The following MAN1A1 variants were observed in gnomAD, a reference collection of about 807,000 sequenced individuals.
MAN1A1 encodes the protein mannosyl-oligosaccharide 1,2-alpha-mannosidase IA.
A neutral mutation model predicts 70.8 loss-of-function variants in MAN1A1; 29 were observed. The ratio of observed to expected loss-of-function variants is 0.41; its 90% CI spans 0.31 to 0.56. The LOEUF is 0.56. MAN1A1 is among the 20% of genes least tolerant of loss of function. The probability of loss-of-function intolerance (pLI) is 0.29; values close to 1 mark genes in which losing one functional copy is unlikely to be tolerated. For synonymous variants in MAN1A1, 349 were observed against 330.1 expected, an observed-to-expected ratio of 1.06 and a Z score of -0.62; for missense variants, 747 against 841.3, an observed-to-expected ratio of 0.89 and a Z score of 1.39.
rs916001063 is a variant in MAN1A1 at position 119,246,264 on chromosome 6, A to T, written c.992+1996T>A. ...TCATTACCTTCCAGGAAACGAGAGA[A>T]ACTAGCTTCACAGAATTTAAGAGAA... On this transcript the variant is annotated intron_variant, in intron 6 of 12. Transcript: ENST00000368468. Among the ~76,000 whole-genome samples, 8 of 152,152 alleles carry T rather than the reference A, an allele frequency of 5.3e-5. No homozygotes were observed. The South Asian group carries it at 8.3e-4, about 16-fold the overall frequency.
At chr6:119,337,591 AT>A (rs1414124377) in intron 2 of MAN1A1, among the ~76,000 whole-genome samples, 3 of 152,236 alleles carry the variant, frequency 2.0e-5, no homozygotes, top group Admixed American at 2.0e-4. Context: ...GAAATTCTGT[AT>A]TCTTGGGAGT....
chr6:119,275,335 C>T (rs1457977512), intron 5 of MAN1A1, among the ~76,000 whole-genome samples: 219 of 92,198 alleles, frequency 2.4e-3, no homozygotes, highest in Non-Finnish European at 2.8e-3. Context: ...GAGACGGAGT[C>T]TCGCTCTGTC....
chr6:119,274,782 T>C (rs1776009297), intron 5 of MAN1A1, among the ~76,000 whole-genome samples: 1 of 152,198 alleles, frequency 6.6e-6, no homozygotes, highest in South Asian at 2.1e-4. Flanking sequence ...TGTCTTTATA[T>C]ATATTGAAAG....
At chr6:119,323,993 A>T (rs1482369640) in intron 2 of MAN1A1, among the ~76,000 whole-genome samples, 1 of 152,230 alleles carries the variant, frequency 6.6e-6, no homozygotes, top group Admixed American at 6.5e-5. Context: ...AATTCCACAT[A>T]AGCAACTGTA....
rs928216070 is a variant in MAN1A1 at position 119,179,932 on chromosome 6, T to C, written c.1849A>G (p.Ile617Val). 2 of 1,613,562 alleles carry C rather than the reference T, an allele frequency of 1.2e-6. No individual in the cohort carries two copies. The highest frequency in any genetic ancestry group is 1.7e-6 in the Non-Finnish European group (2 of 1,179,630). ...LAETLKYLYL[I>V]FSDDDLLPLE... ...GGAAGAAGATCGTCGTCAGAAAATA[T>C]TAGGTACAAATATCTGGTGAGAGAA... is the stretch of plus-strand genomic sequence containing the variant. The change falls in exon 13 of 13, where the codon ATA (isoleucine) becomes GTA (valine). Residue 617 changes from isoleucine to valine, a missense_variant. Ile to Val is a conservative substitution (Grantham distance 29). Coordinates refer to ENST00000368468, the MANE Select transcript of MAN1A1 (RefSeq NM_005907.4).
At chr6:119,210,827 A>G (rs965748952) in intron 6 of MAN1A1, 7 of 440,262 alleles carry the variant, frequency 1.6e-5, no homozygotes, top group African/African-American at 6.1e-5. Context: ...TATTAGAGAC[A>G]TAAACATCCA....
chr6:119,277,695 G>A (rs2114391169), intron 5 of MAN1A1, among the ~76,000 whole-genome samples: 1 of 152,018 alleles, frequency 6.6e-6, no homozygotes, highest in South Asian at 2.1e-4. Context: ...CCGGCACTTT[G>A]GGAGGCCGAG....
chr6:119,302,375 G>A (rs1357020095), intron 3 of MAN1A1, among the ~76,000 whole-genome samples: 1 of 151,662 alleles, frequency 6.6e-6, no homozygotes, highest in Non-Finnish European at 1.5e-5. Context: ...ATTAGTGATT[G>A]CATTCTCTCT....
At chr6:119,329,025 C>T (rs1415747833) in intron 2 of MAN1A1, among the ~76,000 whole-genome samples, 1 of 152,198 alleles carries the variant, frequency 6.6e-6, no homozygotes, top group African/African-American at 2.4e-5. Flanking sequence ...CTGGATGCAG[C>T]AGAGATGCCA....
chr6:119,286,340 T>A lies in MAN1A1; in HGVS notation c.897+4343A>T, dbSNP rs1776373739. On this transcript the variant is annotated intron_variant, in intron 5 of 12. Coordinates refer to ENST00000368468, the MANE Select transcript of MAN1A1 (RefSeq NM_005907.4). ...TACTCCGAATGTCTTAACCCTATTA[T>A]GAAAAAACAACTACATCTTCCCACC... Among the ~76,000 whole-genome samples the A allele has an allele frequency of 1.3e-5, 2 of 152,168 alleles. 1 individual carries two copies. Among genetic ancestry groups the A allele is most frequent in the Admixed American group, 1.3e-4 (2 of 15,266 alleles).
intron 5 of MAN1A1, among the ~76,000 whole-genome samples, chr6:119,285,079 G>C (rs1243138370): frequency 6.6e-6 from 1 of 151,758 alleles, no homozygotes; most frequent in Non-Finnish European, 1.5e-5. Flanking sequence ...GGGAGCAGGT[G>C]TCACACATGG....
chr6:119,228,992 A>G (rs906605157), intron 6 of MAN1A1, among the ~76,000 whole-genome samples: 4 of 152,276 alleles, frequency 2.6e-5, no homozygotes, highest in South Asian at 2.1e-4. Context: ...CAATAATGCT[A>G]ATTTTCTGCA....
At chr6:119,281,782 TG>T (rs1450762762) in intron 5 of MAN1A1, among the ~76,000 whole-genome samples, 1 of 152,092 alleles carries the variant, frequency 6.6e-6, no homozygotes, top group East Asian at 1.9e-4. Context: ...TTTGGCCAGG[TG>T]CGGTGGCTCA....
intron 2 of MAN1A1, among the ~76,000 whole-genome samples, chr6:119,316,256 C>T (rs1554215129): frequency 6.9e-6 from 1 of 145,578 alleles, no homozygotes; most frequent in East Asian, 2.0e-4. Flanking sequence ...TGGCTCACTG[C>T]AATCTCCACC....
chr6:119,314,850 T>G (rs1482841413), intron 2 of MAN1A1, among the ~76,000 whole-genome samples: 1 of 152,148 alleles, frequency 6.6e-6, no homozygotes, highest in Non-Finnish European at 1.5e-5. Flanking sequence ...ACTTCGGCTC[T>G]CAGCTCCAGC....
At chr6:119,197,781 A>G (rs1477457601) in intron 8 of MAN1A1, among the ~76,000 whole-genome samples, 1 of 152,034 alleles carries the variant, frequency 6.6e-6, no homozygotes. Context: ...GCTAAGACTC[A>G]TCAATCCTGT....
chr6:119,218,449 T>TAACACA (rs542275751), intron 6 of MAN1A1, among the ~76,000 whole-genome samples: 25 of 152,298 alleles, frequency 1.6e-4, no homozygotes, highest in Admixed American at 7.2e-4. Flanking sequence ...AGATAACACA[T>TAACACA]TGTATTAGGC....
chr6:119,330,109 T>C (rs1025560135), intron 2 of MAN1A1, among the ~76,000 whole-genome samples: 2 of 152,214 alleles, frequency 1.3e-5, no homozygotes, highest in African/African-American at 2.4e-5. Context: ...AGCCCTTGAC[T>C]CTTTGTACAG....
intron 4 of MAN1A1, among the ~76,000 whole-genome samples, chr6:119,293,734 T>C (rs1312497700): frequency 1.3e-5 from 2 of 152,098 alleles, no homozygotes; most frequent in Non-Finnish European, 2.9e-5. Context: ...TTTAGACCCT[T>C]TAGTTAACTC....
Sources: gnomAD v4.1 joint callset for allele counts (sites outside exome capture counted in the v4.1 genomes callset) on GRCh38, gnomAD v4.1.1 for gene constraint, MANE v1.5 for transcripts, NCBI Gene and HGNC (gene_info 2026-07-23, HGNC 2026-07-21) for gene names.